The following WDR72 variants were observed in gnomAD, a reference collection of about 807,000 sequenced individuals.
The protein encoded by WDR72 is WD repeat-containing protein 72.
A neutral mutation model predicts 124.2 loss-of-function variants in WDR72; 120 were observed. That is an observed-to-expected ratio of 0.97 (90% CI 0.83 to 1.12). WDR72 has a LOEUF of 1.12. Among genes scored for constraint, WDR72 ranks in the 50% most tolerant of loss-of-function variants. The probability of loss-of-function intolerance (pLI) is 0.00; values close to 1 mark genes in which losing one functional copy is unlikely to be tolerated. For synonymous variants in WDR72, 452 were observed against 441.7 expected (o/e 1.02, Z -0.29); for missense variants, 1,387 against 1,278.8 (o/e 1.08, Z -1.29).
At chr15:53,632,553 T>G (rs979722255) in intron 14 of WDR72, among the ~76,000 whole-genome samples, 1 of 152,142 alleles carries the variant, frequency 6.6e-6, no homozygotes, top group Admixed American at 6.5e-5. Flanking sequence ...AAGAGGGCCA[T>G]CATCCTCCAG....
At chr15:53,561,608 G>C (rs571379517) in intron 18 of WDR72, among the ~76,000 whole-genome samples, 1 of 151,822 alleles carries the variant, frequency 6.6e-6, no homozygotes, top group South Asian at 2.1e-4. Flanking sequence ...GGAATTCTTA[G>C]AGAATCTCAG....
At chr15:53,724,727 CAA>C (rs1390783119) in intron 2 of WDR72, among the ~76,000 whole-genome samples, 9 of 152,078 alleles carry the variant, frequency 5.9e-5, no homozygotes, top group Non-Finnish European at 1.2e-4. Context: ...GACACAGAGC[CAA>C]AACATATCAT....
intron 9 of WDR72, among the ~76,000 whole-genome samples, chr15:53,708,580 T>G (rs2017449475): frequency 6.6e-6 from 1 of 152,112 alleles, no homozygotes. Context: ...GGAATTCACC[T>G]CTCTGAACAT....
At chr15:53,558,025 C>T (rs1033823637) in intron 18 of WDR72, among the ~76,000 whole-genome samples, 1 of 151,806 alleles carries the variant, frequency 6.6e-6, no homozygotes, top group Non-Finnish European at 1.5e-5. Context: ...GAAACAGGGG[C>T]ACTGGTGGAA....
intron 13 of WDR72, among the ~76,000 whole-genome samples, chr15:53,690,896 T>C (rs1158073638): frequency 2.6e-5 from 4 of 152,190 alleles, no homozygotes; most frequent in Non-Finnish European, 5.9e-5. Flanking sequence ...TCTACAGTGG[T>C]GGTACCATTT....
Position 53,520,527 on chromosome 15 carries a change from T to C in WDR72, c.3253+2691A>G, listed in dbSNP as rs537695722. On this transcript the variant is annotated intron_variant, in intron 19 of 19. Transcript: ENST00000360509. Reference sequence around the variant, plus strand: ...ATACAGTGACTAAGGAATACACTAATGCAATTGTAAGTTTAGCTACTGAAG... The same window carrying C: ...ATACAGTGACTAAGGAATACACTAACGCAATTGTAAGTTTAGCTACTGAAG... Among the ~76,000 whole-genome samples, 14 of 152,212 alleles carry C rather than the reference T, an allele frequency of 9.2e-5. No homozygotes were observed. The East Asian group carries it at 1.4e-3, about 15-fold the overall frequency.
intron 1 of WDR72, among the ~76,000 whole-genome samples, chr15:53,736,369 G>C (rs690464): frequency 0.62 from 94,472 of 151,898 alleles, 29,588 homozygotes; most frequent in African/African-American, 0.68. Context: ...AGCCTCCAAG[G>C]AGGGTGAAGA....
At chr15:53,570,042 A>G (rs1894452554) in intron 18 of WDR72, among the ~76,000 whole-genome samples, 2 of 152,022 alleles carry the variant, frequency 1.3e-5, no homozygotes, top group Non-Finnish European at 2.9e-5. Context: ...TCATCTTTTT[A>G]TAATAGCCAT....
chr15:53,568,408 A>C (rs1211624663), intron 18 of WDR72, among the ~76,000 whole-genome samples: 3 of 151,906 alleles, frequency 2.0e-5, no homozygotes, highest in African/African-American at 7.2e-5. Context: ...TTTGTGACAG[A>C]CGCTATTTGA....
In WDR72 at chr15:53,710,773, C is replaced by G. The variant is rs182600994; in HGVS notation, c.954+84G>C. ...GATGCTTCAATTCAATTTTTTCAAG[C>G]CTGATTCTGTGACAGACAAAGCAAC... On this transcript the variant is annotated intron_variant, in intron 9 of 19. Transcript: ENST00000360509. The G allele has an allele frequency of 1.6e-4, 191 of 1,163,998 alleles. 1 individual carries two copies. Among genetic ancestry groups the G allele is most frequent in the African/African-American group, 7.0e-4 (47 of 66,758 alleles). 72.1% of individuals were successfully genotyped at this position (1,163,998 alleles called of 1,614,324 possible). A position where few individuals can be genotyped will look rare whatever the true frequency, so the allele number is the denominator to read the frequency against.
chr15:53,622,747 A>T (rs113709318), intron 14 of WDR72, among the ~76,000 whole-genome samples: 2,090 of 152,186 alleles, frequency 0.014, 46 homozygotes, highest in African/African-American at 0.047. Flanking sequence ...CCTATGTAAC[A>T]AACCTGTACA....
chr15:53,599,984 G>C (rs181506412), intron 17 of WDR72, among the ~76,000 whole-genome samples: 11 of 152,156 alleles, frequency 7.2e-5, no homozygotes, highest in African/African-American at 2.6e-4. Flanking sequence ...TGATGAGTAG[G>C]GTACTCAGAG....
chr15:53,548,506 A>T (rs1893587124), intron 18 of WDR72, among the ~76,000 whole-genome samples: 1 of 152,216 alleles, frequency 6.6e-6, no homozygotes, highest in African/African-American at 2.4e-5. Flanking sequence ...AAAAGGAGAA[A>T]GCAAGGCATT....
intron 18 of WDR72, among the ~76,000 whole-genome samples, chr15:53,584,691 C>T (rs907477371): frequency 1.3e-5 from 2 of 151,900 alleles, no homozygotes; most frequent in Admixed American, 1.3e-4. Context: ...AAAAAAGCTC[C>T]ACAGCAGAAC....
chr15:53,625,715 C>G (rs2014177798), intron 14 of WDR72, among the ~76,000 whole-genome samples: 1 of 151,428 alleles, frequency 6.6e-6, no homozygotes, highest in Non-Finnish European at 1.5e-5. Flanking sequence ...TAATTAAAAC[C>G]AACGCCAATG....
At chr15:53,708,776 C>T (rs690054) in intron 9 of WDR72, among the ~76,000 whole-genome samples, 57,724 of 151,986 alleles carry the variant, frequency 0.38, 12,351 homozygotes, top group Middle Eastern at 0.6. Flanking sequence ...CCAGCTATTC[C>T]CACTTCAGCA....
intron 14 of WDR72, among the ~76,000 whole-genome samples, chr15:53,636,790 G>A (rs749720623): frequency 2.8e-4 from 42 of 152,154 alleles, no homozygotes; most frequent in Non-Finnish European, 3.8e-4. Flanking sequence ...CACAGGTAAC[G>A]ACTGGAAGAG....
At chr15:53,727,777 A>G (rs2018085160) in intron 2 of WDR72, among the ~76,000 whole-genome samples, 1 of 152,214 alleles carries the variant, frequency 6.6e-6, no homozygotes. Flanking sequence ...TCCTCATTCT[A>G]TTACTAAATC....
intron 2 of WDR72, among the ~76,000 whole-genome samples, chr15:53,726,213 T>C (rs2018023463): frequency 7.8e-6 from 1 of 128,766 alleles, no homozygotes; most frequent in Admixed American, 7.2e-5. Flanking sequence ...TATATATATA[T>C]GTATGTGTAT....
Sources: gnomAD v4.1 joint callset for allele counts (sites outside exome capture counted in the v4.1 genomes callset) on GRCh38, gnomAD v4.1.1 for gene constraint, MANE v1.5 for transcripts, NCBI Gene and HGNC (gene_info 2026-07-23, HGNC 2026-07-21) for gene names.